The following ARHGEF10L variants were observed in gnomAD, a reference collection of about 807,000 sequenced individuals.
ARHGEF10L encodes Rho guanine nucleotide exchange factor 10 like, also known as rho guanine nucleotide exchange factor 10-like protein.
A neutral mutation model predicts 141.2 loss-of-function variants in ARHGEF10L; 69 were observed. That is an observed-to-expected ratio of 0.49 (90% confidence interval 0.40 to 0.60). The LOEUF is 0.60. Among genes scored for constraint, ARHGEF10L ranks in the 20% least tolerant of loss-of-function variants. The pLI is 0.00. For missense variants in ARHGEF10L, 1,482 were observed against 1,734.3 expected, an observed-to-expected ratio of 0.85 and a Z score of 2.58; for synonymous variants, 711 against 718.5, an observed-to-expected ratio of 0.99 and a Z score of 0.17.
intron 4 of ARHGEF10L, among the ~76,000 whole-genome samples, chr1:17,595,794 T>C (rs963499850): frequency 6.6e-6 from 1 of 152,032 alleles, no homozygotes; most frequent in Non-Finnish European, 1.5e-5. Flanking sequence ...TGCCAGAGGA[T>C]TTACATGCCT....
chr1:17,618,325 C>T lies in ARHGEF10L; in HGVS notation c.836-1014C>T, dbSNP rs185668381. ...TCCCTGCAGAGGCGATATTAATAGC[C>T]GTGGCAGGGCTCGAATCACAGGCCA... On this transcript the variant is annotated intron_variant, in intron 9 of 28. Transcript: ENST00000361221. 593 of 1,525,340 alleles carry T rather than the reference C, an allele frequency of 3.9e-4. 4 individuals carry two copies. In the East Asian group the frequency reaches 0.012, roughly 31 times the overall value. 94.5% of individuals were successfully genotyped at this position (1,525,340 alleles called of 1,614,324 possible). A position where few individuals can be genotyped will look rare whatever the true frequency, so the allele number is the denominator to read the frequency against.
Position 17,603,436 on chromosome 1 carries a change from T to C in ARHGEF10L, c.350-72T>C, listed in dbSNP as rs2080881191. 7.9e-7 allele frequency: 1 copy of C among 1,265,140 alleles called. No homozygotes were observed. The highest frequency in any genetic ancestry group is 1.1e-6 in the Non-Finnish European group (1 of 887,380). The allele number at this position is 1,265,140 out of a possible 1,614,324, so 78.4% of individuals were successfully genotyped here. A position where few individuals can be genotyped will look rare whatever the true frequency, so the allele number is the denominator to read the frequency against. ...GTGCCACCAGCTGGTGCAGTCCTGA[T>C]GTCATCTGCAGCACCTCTGGCCAGG... On this transcript the variant is annotated intron_variant, in intron 5 of 28. Transcript: ENST00000361221. The surrounding 1 kb of genome is among the most constrained non-coding windows in gnomAD (Gnocchi z 4.8).
chr1:17,687,715 A>G lies in ARHGEF10L; in HGVS notation c.3152A>G (p.Asn1051Ser), dbSNP rs2064728581. The change falls in exon 27 of 29, where the codon AAC (asparagine) becomes AGC (serine). Residue 1051 changes from asparagine (N) to serine (S), a missense_variant. This residue lies in a region of ARHGEF10L where 858 missense variants were observed against 966.3 expected (regional missense o/e 0.89). Transcript: ENST00000361221. Reference sequence around the variant, plus strand: ...ACCCTGGAGCATCTGCAAGAGATCAACATCGCCACCAGGACCACCTTCCTC... The same window carrying G: ...ACCCTGGAGCATCTGCAAGAGATCAGCATCGCCACCAGGACCACCTTCCTC... ...TETLEHLQEI[N>S]IATRTTFLLP... 2 of 1,596,540 alleles carry G rather than the reference A, an allele frequency of 1.3e-6. No homozygotes were observed. Among genetic ancestry groups the G allele is most frequent in the Admixed American group, 1.7e-5 (1 of 58,744 alleles).
chr1:17,618,986 C>T (rs1432533246), intron 9 of ARHGEF10L, among the ~76,000 whole-genome samples: 2 of 152,220 alleles, frequency 1.3e-5, no homozygotes. Flanking sequence ...GGGACATGGG[C>T]AGCTAGCCTT....
At chr1:17,599,088 C>A (rs1012069182) in intron 4 of ARHGEF10L, among the ~76,000 whole-genome samples, 1 of 152,096 alleles carries the variant, frequency 6.6e-6, no homozygotes, top group Non-Finnish European at 1.5e-5. Context: ...TCACTCCCAG[C>A]ACTTTGGGAG....
chr1:17,622,179 T>C (rs887613070), intron 11 of ARHGEF10L, among the ~76,000 whole-genome samples: 8 of 152,156 alleles, frequency 5.3e-5, no homozygotes, highest in South Asian at 2.1e-4. Context: ...AAATGACTCC[T>C]GGAGAGCTGA....
chr1:17,651,963 T>G (rs2061962323), intron 22 of ARHGEF10L, among the ~76,000 whole-genome samples: 1 of 151,932 alleles, frequency 6.6e-6, no homozygotes, highest in African/African-American at 2.4e-5. Flanking sequence ...GGCCTGGGAG[T>G]ACCAAGGCCC....
Position 17,634,575 on chromosome 1 carries a change from GGGGGCTCCGGGGCTCTGGGGCTCT to G in ARHGEF10L, c.1745+21_1745+44del. 6.2e-7 allele frequency: 1 copy of G among 1,613,580 alleles called. No individual in the cohort carries two copies. Among genetic ancestry groups the G allele is most frequent in the Non-Finnish European group, 8.5e-7 (1 of 1,179,738 alleles). ...CTGCCAACCACAGGTACGTGGTTCA[GGGGGCTCCGGGGCTCTGGGGCTCT>G]GGGGCTCTGGGGCTCTGGTGCCATG... On this transcript the variant is annotated intron_variant, in intron 17 of 28. Transcript: ENST00000361221.
At chr1:17,635,251 T>C (rs1313896750) in intron 18 of ARHGEF10L, among the ~76,000 whole-genome samples, 1 of 152,152 alleles carries the variant, frequency 6.6e-6, no homozygotes, top group Non-Finnish European at 1.5e-5. Context: ...TTGCTCCACC[T>C]TCACATTGGC....
chr1:17,550,128 G>C (rs377174394), intron 1 of ARHGEF10L, among the ~76,000 whole-genome samples: 4 of 152,168 alleles, frequency 2.6e-5, no homozygotes, highest in African/African-American at 9.7e-5. Flanking sequence ...TCTGGGGTTT[G>C]GGTTATATAT....
At chr1:17,610,875 C>T (rs1007554350) in intron 7 of ARHGEF10L, among the ~76,000 whole-genome samples, 11 of 152,072 alleles carry the variant, frequency 7.2e-5, no homozygotes, top group Admixed American at 3.3e-4. Flanking sequence ...TAGAGGGGCA[C>T]GGACCCAAGT....
In ARHGEF10L at chr1:17,602,182, C is replaced by T. The variant is rs548415567; in HGVS notation, c.313C>T (p.Arg105Trp). The part of the protein sequence containing the change: ...DAADAAFSGA[R>W]HSSWKRKSSR... ...AGCGGACGCAGCCTTCTCCGGGGCCCGGCACTCCAGCTGGAAGCGGAAGAG... is the reference window on the plus strand; with the variant it reads ...AGCGGACGCAGCCTTCTCCGGGGCCTGGCACTCCAGCTGGAAGCGGAAGAG... The change falls in exon 5 of 29, where the codon CGG (arginine) becomes TGG (tryptophan). Residue 105 changes from arginine (R) to tryptophan (W), a missense_variant. Transcript: ENST00000361221. 4.2e-5 allele frequency: 66 copies of T among 1,582,052 alleles called. No homozygotes were observed. In the South Asian group the frequency reaches 5.3e-4, roughly 13 times the overall value.
Position 17,607,772 on chromosome 1 carries a change from T to A in ARHGEF10L, c.434-30T>A, listed in dbSNP as rs371906812. On this transcript the variant is annotated intron_variant, in intron 6 of 28. Coordinates refer to ENST00000361221, the MANE Select transcript of ARHGEF10L (RefSeq NM_018125.4). This position sits in a 1 kb window ranked among gnomAD's most constrained non-coding sequence, Gnocchi z 4.5. ...GTCTGGTAGGCTTGGCCTCAGGGCC[T>A]GGGCTCACCGGCTGCCGCTTGGCCA... 1.5e-5 allele frequency: 23 copies of A among 1,525,188 alleles called. No individual in the cohort carries two copies. The highest frequency in any genetic ancestry group is 1.7e-5 in the Non-Finnish European group (19 of 1,140,220). The allele number at this position is 1,525,188 out of a possible 1,614,324, so 94.5% of individuals were successfully genotyped here. A position where few individuals can be genotyped will look rare whatever the true frequency, so the allele number is the denominator to read the frequency against.
At chr1:17,530,090 T>C in the ARHGEF10L span, among the ~76,000 whole-genome samples, 2 of 151,988 alleles carry the variant, frequency 1.3e-5, no homozygotes, top group African/African-American at 4.8e-5. Flanking sequence ...ACTTCGGCAT[T>C]CCAAAGTGCT....
At chr1:17,693,029 C>G (rs10788681) in intron 27 of ARHGEF10L, among the ~76,000 whole-genome samples, 5 of 151,938 alleles carry the variant, frequency 3.3e-5, no homozygotes, top group Admixed American at 2.0e-4. Context: ...GAATCCTCCA[C>G]TGGCTCTGCC....
chr1:17,560,217 C>T (rs1364478875), intron 1 of ARHGEF10L, among the ~76,000 whole-genome samples: 1 of 152,132 alleles, frequency 6.6e-6, no homozygotes, highest in Non-Finnish European at 1.5e-5. Flanking sequence ...ATCTATTTTA[C>T]AGCAGAGGAG....
intron 4 of ARHGEF10L, among the ~76,000 whole-genome samples, chr1:17,593,806 G>A (rs569025299): frequency 1.1e-4 from 16 of 152,086 alleles, no homozygotes; most frequent in South Asian, 6.2e-4. Flanking sequence ...AAACTAACAC[G>A]ACAGCCCTGG....
In ARHGEF10L at chr1:17,558,399, A is replaced by G. The variant is rs376809591; in HGVS notation, c.-44+18449A>G. 5.9e-5 allele frequency among the ~76,000 whole-genome samples: 9 copies of G among 152,334 alleles called. 1 individual carries two copies. The highest frequency in any genetic ancestry group is 2.2e-4 in the African/African-American group (9 of 41,590). ...ATGAAAGGCATTATTCTTGCCTTCA[A>G]GGAACTCACAGTCTAGTGGGCTGTC... On this transcript the variant is annotated intron_variant, in intron 1 of 28. Transcript: ENST00000361221. This position sits in a 1 kb window ranked among gnomAD's most constrained non-coding sequence, Gnocchi z 4.2.
intron 4 of ARHGEF10L, among the ~76,000 whole-genome samples, chr1:17,596,140 G>T (rs1435810865): frequency 6.6e-6 from 1 of 152,232 alleles, no homozygotes; most frequent in Non-Finnish European, 1.5e-5. Flanking sequence ...CAGAGTCTCT[G>T]GGGCGGGGGC....
Sources: allele counts gnomAD v4.1 joint callset (sites outside exome capture counted in the v4.1 genomes callset), GRCh38; gene constraint gnomAD v4.1.1; regional missense constraint gnomAD v4.1.1; non-coding constraint Gnocchi (gnomAD v3.1); transcripts MANE v1.5; gene names NCBI Gene and HGNC (gene_info 2026-07-23, HGNC 2026-07-21).